The following ICA1 variants were observed in gnomAD, a reference collection of about 807,000 sequenced individuals.
The protein encoded by ICA1 is islet cell autoantigen 1.
ICA1 carries 40 observed loss-of-function variants against 71.0 expected under a neutral mutation model. The ratio of observed to expected loss-of-function variants is 0.56; its 90% CI spans 0.44 to 0.73. The LOEUF (loss-of-function observed/expected upper bound fraction) is 0.73. Among genes scored for constraint, ICA1 ranks in the 30% least tolerant of loss-of-function variants. The pLI is 0.00. For synonymous variants in ICA1, 207 were observed against 209.5 expected, an observed-to-expected ratio of 0.99 and a Z score of 0.10; for missense variants, 578 against 576.5, an observed-to-expected ratio of 1.00 and a Z score of -0.03.
intron 7 of ICA1, 179 bp from the exon 8 acceptor site, chr7:8,157,393 CCT>C (rs1802017732): frequency 4.9e-6 from 3 of 617,072 alleles, no homozygotes; most frequent in South Asian, 2.5e-5. Context: ...TAAATGCCTC[CCT>C]GTTTCCCCAA....
intron 6 of ICA1, among the ~76,000 whole-genome samples, chr7:8,193,274 C>T (rs1786329085): frequency 6.6e-6 from 1 of 152,166 alleles, no homozygotes; most frequent in African/African-American, 2.4e-5. Flanking sequence ...TGTATGCATG[C>T]ATGTATGTGT....
intron 1 of ICA1, among the ~76,000 whole-genome samples, chr7:8,250,353 C>T (rs1807732586): frequency 2.6e-5 from 4 of 152,230 alleles, no homozygotes; most frequent in Admixed American, 6.5e-5. Flanking sequence ...TTTTTAAAAT[C>T]CTGATTCATC....
intron 4 of ICA1, among the ~76,000 whole-genome samples, chr7:8,224,019 A>G (rs1356228804): frequency 6.6e-6 from 1 of 152,192 alleles, no homozygotes; most frequent in Non-Finnish European, 1.5e-5. Flanking sequence ...ACTGGAATAC[A>G]GTGATGAAGA....
In ICA1 at chr7:8,158,483, C is replaced by A. The variant is rs1352862918; in HGVS notation, c.705+44G>T. The stretch of plus-strand genomic sequence containing the variant: ...AACACCATTTTGATGTTATTTAAAC[C>A]TTGTGCCATCCTTGGTTCATTGCAA... On this transcript the variant is annotated intron_variant, in intron 7 of 13. Coordinates refer to ENST00000402384, the MANE Select transcript of ICA1 (RefSeq NM_001136020.3). 1.9e-6 allele frequency: 3 copies of A among 1,609,112 alleles called. No homozygotes were observed. In the East Asian group the frequency reaches 6.7e-5, roughly 36 times the overall value.
At chr7:8,208,874 C>T (rs533296839) in intron 6 of ICA1, among the ~76,000 whole-genome samples, 1 of 152,282 alleles carries the variant, frequency 6.6e-6, no homozygotes, top group Non-Finnish European at 1.5e-5. Flanking sequence ...AACATGGAAA[C>T]AGTCATCCAA....
At chr7:8,189,812 A>C (rs917118358) in intron 6 of ICA1, among the ~76,000 whole-genome samples, 2 of 152,148 alleles carry the variant, frequency 1.3e-5, no homozygotes, top group African/African-American at 4.8e-5. Flanking sequence ...CCCAGGCAGC[A>C]GCTGCAGGAG....
intron 8 of ICA1, among the ~76,000 whole-genome samples, chr7:8,146,843 G>A (rs1344710014): frequency 7.4e-6 from 1 of 136,012 alleles, no homozygotes; most frequent in African/African-American, 2.7e-5. Flanking sequence ...GCCAATTACA[G>A]CATTTTATTC....
intron 8 of ICA1, among the ~76,000 whole-genome samples, chr7:8,148,975 A>T (rs1797937953): frequency 6.6e-6 from 1 of 152,190 alleles, no homozygotes; most frequent in African/African-American, 2.4e-5. Context: ...TCGGGGTAGA[A>T]GGTGCAGGTG....
At chr7:8,120,809 G>A (rs1022311853) in intron 13 of ICA1, among the ~76,000 whole-genome samples, 11 of 152,230 alleles carry the variant, frequency 7.2e-5, no homozygotes, top group Non-Finnish European at 1.3e-4. Flanking sequence ...GCCAGCTACA[G>A]CAGCAAGTGA....
intron 6 of ICA1, among the ~76,000 whole-genome samples, chr7:8,187,951 A>C: frequency 6.6e-6 from 1 of 152,184 alleles, no homozygotes; most frequent in Admixed American, 6.5e-5. Flanking sequence ...ACACTGAAAT[A>C]TTCAGAAGTT....
intron 8 of ICA1, among the ~76,000 whole-genome samples, chr7:8,147,185 G>T (rs1797322583): frequency 6.6e-6 from 1 of 152,022 alleles, no homozygotes; most frequent in African/African-American, 2.4e-5. Context: ...CAGCTCCACG[G>T]TTATCATCCT....
At chr7:8,157,305 G>T in intron 7 of ICA1, 91 bp from the exon 8 acceptor site, 1 of 1,217,142 alleles carries the variant, frequency 8.2e-7, no homozygotes, top group Non-Finnish European at 1.1e-6. Flanking sequence ...TAGCTTTGAA[G>T]ATTCTTTAAA....
At chr7:8,128,516 C>G (rs924094443) in intron 12 of ICA1, among the ~76,000 whole-genome samples, 1 of 152,226 alleles carries the variant, frequency 6.6e-6, no homozygotes, top group Non-Finnish European at 1.5e-5. Flanking sequence ...TCTTCCCACG[C>G]AAGCCCTCAA....
At chr7:8,148,013 T>A (rs1797626853) in intron 8 of ICA1, among the ~76,000 whole-genome samples, 1 of 152,062 alleles carries the variant, frequency 6.6e-6, no homozygotes, top group Non-Finnish European at 1.5e-5. Context: ...TGAATGACCG[T>A]GGGGGTGTGT....
intron 6 of ICA1, among the ~76,000 whole-genome samples, chr7:8,192,299 C>CT (rs934988585): frequency 5.3e-5 from 8 of 152,084 alleles, no homozygotes; most frequent in Admixed American, 3.3e-4. Flanking sequence ...CTGGGTCTGT[C>CT]TTTTTTCAGG....
In ICA1 at chr7:8,223,973, T is replaced by C. The variant is rs371295585; in HGVS notation, c.257-2575A>G. On this transcript the variant is annotated intron_variant, in intron 4 of 13. Coordinates refer to ENST00000402384, the MANE Select transcript of ICA1 (RefSeq NM_001136020.3). The surrounding 1 kb of genome is among the most constrained non-coding windows in gnomAD (Gnocchi z 4.1). ...CATTAACTCACTCAGCACAGATTTA[T>C]GGATGATCCAACACATACGAGGCAC... is the stretch of plus-strand genomic sequence containing the variant. Among the ~76,000 whole-genome samples, 4 of 152,236 alleles carry C rather than the reference T, an allele frequency of 2.6e-5. No individual in the cohort carries two copies. The South Asian group carries it at 6.2e-4, about 24-fold the overall frequency.
At chr7:8,175,799 G>A (rs1281197334) in intron 6 of ICA1, among the ~76,000 whole-genome samples, 2 of 152,150 alleles carry the variant, frequency 1.3e-5, no homozygotes, top group Non-Finnish European at 2.9e-5. Context: ...TATATCAAAT[G>A]TTGTACTGGA....
rs1028630907 is a variant in ICA1, at chr7:8,166,598, G to A, written c.580-7946C>T. 4.6e-5 allele frequency among the ~76,000 whole-genome samples: 7 copies of A among 152,092 alleles called. No homozygotes were observed. The East Asian group carries it at 1.2e-3, about 25-fold the overall frequency. On this transcript the variant is annotated intron_variant, in intron 6 of 13. Coordinates refer to ENST00000402384, the MANE Select transcript of ICA1 (RefSeq NM_001136020.3). ...TAGGACCTAACAAAGATTTCATGAC[G>A]AAAATGCCAAAAGCAATTTAACAAA... is the stretch of plus-strand genomic sequence containing the variant.
At chr7:8,235,333 A>G (rs1200001551) in intron 2 of ICA1, among the ~76,000 whole-genome samples, 1 of 152,198 alleles carries the variant, frequency 6.6e-6, no homozygotes, top group Non-Finnish European at 1.5e-5. Flanking sequence ...TCTGGACCTT[A>G]CAAGAGGTTT....
Sources: gnomAD v4.1 joint callset for allele counts (sites outside exome capture counted in the v4.1 genomes callset) on GRCh38, gnomAD v4.1.1 for gene constraint, Gnocchi (gnomAD v3.1) non-coding constraint, MANE v1.5 for transcripts, NCBI Gene and HGNC (gene_info 2026-07-23, HGNC 2026-07-21) for gene names.